The following DLGAP2 variants were observed in gnomAD, a reference collection of about 807,000 sequenced individuals.
DLGAP2 encodes the protein DLG associated protein 2, also known as disks large-associated protein 2.
DLGAP2 carries 26 observed loss-of-function variants against 100.3 expected under a neutral mutation model. The observed-to-expected ratio is 0.26, with a 90% CI of 0.19 to 0.36. DLGAP2 has a LOEUF of 0.36. DLGAP2 is among the 10% of genes least tolerant of loss of function. The pLI, the probability that DLGAP2 is intolerant of heterozygous loss-of-function variation, is 1.00. For synonymous variants in DLGAP2, 886 were observed against 630.1 expected (o/e 1.41, Z -6.08); for missense variants, 1,858 against 1,453.2 (o/e 1.28, Z -4.53).
intron 3 of DLGAP2, among the ~76,000 whole-genome samples, chr8:1,443,410 C>CT (rs1797895262): frequency 6.6e-6 from 1 of 152,164 alleles, no homozygotes; most frequent in African/African-American, 2.4e-5. Flanking sequence ...CCTCTAGCGG[C>CT]TGTACATGGG....
At chr8:1,185,364 T>C (rs553330193) in intron 2 of DLGAP2, among the ~76,000 whole-genome samples, 2 of 152,196 alleles carry the variant, frequency 1.3e-5, no homozygotes, top group South Asian at 2.1e-4. Flanking sequence ...AGGTGTTGTC[T>C]CCAGGGCACT....
intron 1 of DLGAP2, among the ~76,000 whole-genome samples, chr8:890,772 G>T (rs1798018614): frequency 1.3e-5 from 2 of 152,030 alleles, no homozygotes. Flanking sequence ...TGTGTCTCCG[G>T]CCTCAGCCCC....
intron 4 of DLGAP2, among the ~76,000 whole-genome samples, chr8:1,532,225 TCCTCTCACATAA>T (rs1801009902): frequency 6.6e-6 from 1 of 152,188 alleles, no homozygotes; most frequent in Non-Finnish European, 1.5e-5. Flanking sequence ...CCAAAGGTTT[TCCTCTCACATAA>T]CATGGGGGAG....
At chr8:1,261,376 C>A (rs62483871) in intron 3 of DLGAP2, among the ~76,000 whole-genome samples, 10,382 of 115,990 alleles carry the variant, frequency 0.09, 224 homozygotes, top group Admixed American at 0.13. Context: ...GCTTCCAGAT[C>A]TTTAAAATGA....
At position 1,020,658 on chromosome 8, in the gene DLGAP2, A is replaced by G. The variant is rs529343557; in HGVS notation, c.73+112692A>G. On this transcript the variant is annotated intron_variant, in intron 2 of 14. Coordinates refer to ENST00000637795, the MANE Select transcript of DLGAP2 (RefSeq NM_001346810.2). ...CACACTGGGACCTGTGAGCACCCTG[A>G]TCTTAGGACTCACTGAGTAAGGGGA... is the stretch of plus-strand genomic sequence containing the variant. 1.2e-4 allele frequency among the ~76,000 whole-genome samples: 19 copies of G among 152,306 alleles called. No homozygotes were observed. In the South Asian group the frequency reaches 3.5e-3, roughly 28 times the overall value.
chr8:990,245 G>C (rs1800619843), intron 2 of DLGAP2, among the ~76,000 whole-genome samples: 1 of 151,956 alleles, frequency 6.6e-6, no homozygotes, highest in Non-Finnish European at 1.5e-5. Context: ...ATGTTGCCAT[G>C]TGGGTGCCCA....
At chr8:1,376,181 A>G (rs1249840741) in intron 3 of DLGAP2, among the ~76,000 whole-genome samples, 1 of 152,096 alleles carries the variant, frequency 6.6e-6, no homozygotes, top group Non-Finnish European at 1.5e-5. Flanking sequence ...CAGCCATGAA[A>G]GGAATCAGAA....
chr8:1,577,680 C>T (rs1040624238), intron 6 of DLGAP2, among the ~76,000 whole-genome samples: 49 of 152,108 alleles, frequency 3.2e-4, no homozygotes, highest in African/African-American at 1.1e-3. Flanking sequence ...AGGCTGCAGC[C>T]TGGTGTCCCT....
At chr8:1,384,347 C>T (rs1796166209) in intron 3 of DLGAP2, among the ~76,000 whole-genome samples, 1 of 149,532 alleles carries the variant, frequency 6.7e-6, no homozygotes. Flanking sequence ...TGTGCCCGGC[C>T]CCTGAGAACT....
At chr8:1,170,004 ATATTGGC>A (rs1278679959) in intron 2 of DLGAP2, among the ~76,000 whole-genome samples, 1 of 151,618 alleles carries the variant, frequency 6.6e-6, no homozygotes, top group African/African-American at 2.4e-5. Flanking sequence ...ATTCAGTATG[ATATTGGC>A]TGTGGGTTTG....
intron 3 of DLGAP2, among the ~76,000 whole-genome samples, chr8:1,439,424 C>T (rs1319049519): frequency 6.6e-6 from 1 of 152,152 alleles, no homozygotes; most frequent in African/African-American, 2.4e-5. Context: ...CGTGTCCTCT[C>T]TAGTTCCTCA....
At chr8:1,286,792 G>C (rs569854893) in intron 3 of DLGAP2, among the ~76,000 whole-genome samples, 2 of 152,298 alleles carry the variant, frequency 1.3e-5, no homozygotes, top group East Asian at 3.9e-4. Context: ...AGTGTCTCTG[G>C]ATTCAACTCA....
At chr8:1,355,361 TTTTTTG>T (rs1301824744) in intron 3 of DLGAP2, among the ~76,000 whole-genome samples, 6 of 151,924 alleles carry the variant, frequency 3.9e-5, no homozygotes, top group African/African-American at 1.5e-4. Context: ...GTATGAGTGG[TTTTTTG>T]TTTTTGTTTT....
At chr8:1,665,038 A>T (rs1378316012) in intron 8 of DLGAP2, among the ~76,000 whole-genome samples, 1 of 152,234 alleles carries the variant, frequency 6.6e-6, no homozygotes, top group Non-Finnish European at 1.5e-5. Context: ...ATTTTTACAA[A>T]GAAATCAGTT....
chr8:1,101,078 G>C (rs1353923552), intron 2 of DLGAP2, among the ~76,000 whole-genome samples: 1 of 152,190 alleles, frequency 6.6e-6, no homozygotes, highest in East Asian at 1.9e-4. Context: ...CTACTCCTCA[G>C]GGGCTAGAAG....
At chr8:1,305,265 A>T (rs1270245219) in intron 3 of DLGAP2, among the ~76,000 whole-genome samples, 2 of 152,296 alleles carry the variant, frequency 1.3e-5, no homozygotes, top group African/African-American at 4.8e-5. Flanking sequence ...GAGACAGCAT[A>T]TGTGAGGTGC....
chr8:960,784 T>G (rs1799707572), intron 2 of DLGAP2, among the ~76,000 whole-genome samples: 1 of 152,222 alleles, frequency 6.6e-6, no homozygotes, highest in Non-Finnish European at 1.5e-5. Flanking sequence ...ATGCATTTAA[T>G]ACTCTGATAA....
chr8:1,077,291 G>T (rs1472819768), intron 2 of DLGAP2, among the ~76,000 whole-genome samples: 1 of 152,106 alleles, frequency 6.6e-6, no homozygotes, highest in African/African-American at 2.4e-5. Context: ...CAACCATGTT[G>T]GGAGGTCCTG....
chr8:1,267,559 A>AAAATAAAATAATAATAAAATAAAAT (rs1426396616), intron 3 of DLGAP2, among the ~76,000 whole-genome samples: 1 of 51,046 alleles, frequency 2.0e-5, no homozygotes, highest in African/African-American at 1.1e-4. Context: ...ATTCCCGCTC[A>AAAATAAAATAATAATAAAATAAAAT]AAATAAAATA....
Sources: allele counts gnomAD v4.1 joint callset (sites outside exome capture counted in the v4.1 genomes callset), GRCh38; gene constraint gnomAD v4.1.1; transcripts MANE v1.5; gene names NCBI Gene and HGNC (gene_info 2026-07-23, HGNC 2026-07-21).